EBF2: variants seen among roughly 807,000 people sequenced by gnomAD.
The protein encoded by EBF2 is EBF transcription factor 2.
A neutral mutation model predicts 72.8 loss-of-function variants in EBF2; 21 were observed. The ratio of observed to expected loss-of-function variants is 0.29; its 90% CI spans 0.20 to 0.42. EBF2 has a LOEUF of 0.42. Among genes scored for constraint, EBF2 ranks in the 10% least tolerant of loss-of-function variants. The probability of loss-of-function intolerance (pLI) is 1.00; values close to 1 mark genes in which losing one functional copy is unlikely to be tolerated. For synonymous variants in EBF2, 299 were observed against 274.2 expected, an observed-to-expected ratio of 1.09 and a Z score of -0.89; for missense variants, 637 against 731.2, an observed-to-expected ratio of 0.87 and a Z score of 1.49.
At chr8:25,927,954 A>G (rs188471684) in intron 6 of EBF2, among the ~76,000 whole-genome samples, 1 of 152,286 alleles carries the variant, frequency 6.6e-6, no homozygotes, top group Admixed American at 6.5e-5. Flanking sequence ...GGAAAAGCCC[A>G]GAATGTATTT....
chr8:25,987,406 G>C (rs764798536), intron 6 of EBF2, among the ~76,000 whole-genome samples: 2 of 152,144 alleles, frequency 1.3e-5, no homozygotes, highest in Non-Finnish European at 2.9e-5. Context: ...AGCAGTATGG[G>C]AGCTGACCCC....
intron 10 of EBF2, among the ~76,000 whole-genome samples, chr8:25,866,433 TTATATATATAATATATA>T (rs1161927488): frequency 2.7e-3 from 321 of 120,632 alleles, no homozygotes; most frequent in African/African-American, 0.011. Context: ...GATTTTTTAT[TTATATATATAATATATA>T]TATATATATA....
intron 7 of EBF2, among the ~76,000 whole-genome samples, chr8:25,892,036 C>T (rs951046616): frequency 6.6e-6 from 1 of 152,200 alleles, no homozygotes; most frequent in Non-Finnish European, 1.5e-5. Flanking sequence ...CTCATCTCAG[C>T]TACAGTAGAC....
chr8:25,870,496 A>G (rs1356584979), intron 10 of EBF2, among the ~76,000 whole-genome samples: 8 of 152,146 alleles, frequency 5.3e-5, no homozygotes, highest in African/African-American at 1.7e-4. Context: ...GGGTCCAGCC[A>G]GGTAGCACCA....
intron 6 of EBF2, among the ~76,000 whole-genome samples, chr8:25,992,333 CAAAAAAAAAAA>C (rs36020598): frequency 6.1e-4 from 32 of 52,554 alleles, no homozygotes; most frequent in Middle Eastern, 0.031. Context: ...GACTCTGTCT[CAAAAAAAAAAA>C]AAAAAAAAAA....
At position 26,045,065 on chromosome 8, in the gene EBF2, G is replaced by T. The variant is rs1411198654; in HGVS notation, c.-206C>A. The T allele has an allele frequency of 1.9e-6, 1 of 526,706 alleles. No individual in the cohort carries two copies. The highest frequency in any genetic ancestry group is 3.3e-6 in the Non-Finnish European group (1 of 303,596). 32.6% of individuals were successfully genotyped at this position (526,706 alleles called of 1,614,324 possible). A position where few individuals can be genotyped will look rare whatever the true frequency, so the allele number is the denominator to read the frequency against. On this transcript the variant is annotated 5_prime_UTR_variant, in exon 1 of 16. Coordinates refer to ENST00000520164, the MANE Select transcript of EBF2 (RefSeq NM_022659.4). ...TGCGGACTGATGTAGTCAAAGTTTG[G>T]GTTCTTATCCTCCGCAAGTTCAGAT...
At chr8:25,865,842 G>A (rs1393935063) in intron 10 of EBF2, among the ~76,000 whole-genome samples, 1 of 151,684 alleles carries the variant, frequency 6.6e-6, no homozygotes, top group Admixed American at 6.5e-5. Context: ...TGGCTAACAC[G>A]GTGAAACCCC....
At chr8:25,891,889 C>A (rs7813489) in intron 7 of EBF2, among the ~76,000 whole-genome samples, 38,055 of 152,020 alleles carry the variant, frequency 0.25, 5,650 homozygotes, top group Middle Eastern at 0.42. Flanking sequence ...TACCTTACCT[C>A]TGAATATGAA....
At chr8:25,980,747 G>A (rs1370362688) in intron 6 of EBF2, among the ~76,000 whole-genome samples, 1 of 129,074 alleles carries the variant, frequency 7.7e-6, no homozygotes, top group Non-Finnish European at 1.5e-5. Flanking sequence ...TTTCTAGACC[G>A]ATGACCTTTG....
chr8:26,005,060 G>T (rs2117224881), intron 6 of EBF2, among the ~76,000 whole-genome samples: 1 of 149,730 alleles, frequency 6.7e-6, no homozygotes, highest in Admixed American at 6.9e-5. Flanking sequence ...AGAACCACTT[G>T]CCCAGAAACA....
chr8:26,041,123 C>T, intron 2 of EBF2, 121 bp from the exon 3 acceptor site: 3 of 1,153,886 alleles, frequency 2.6e-6, no homozygotes, highest in Non-Finnish European at 3.8e-6. Flanking sequence ...TTTGAGTAAC[C>T]CCCTGTTCAG....
chr8:26,043,695 G>C (rs981275210), intron 1 of EBF2, among the ~76,000 whole-genome samples: 1 of 152,218 alleles, frequency 6.6e-6, no homozygotes, highest in Non-Finnish European at 1.5e-5. Context: ...GGCCAGTTTG[G>C]GAAAGGGATC....
intron 7 of EBF2, among the ~76,000 whole-genome samples, chr8:25,897,067 T>C (rs1272413430): frequency 6.6e-6 from 1 of 152,180 alleles, no homozygotes; most frequent in African/African-American, 2.4e-5. Flanking sequence ...GAAGGCTAAA[T>C]TTTCTGTTCA....
At chr8:25,859,706 T>C (rs1056196884) in intron 13 of EBF2, among the ~76,000 whole-genome samples, 3 of 151,806 alleles carry the variant, frequency 2.0e-5, no homozygotes, top group African/African-American at 7.3e-5. Context: ...AAAATAATAA[T>C]ATGTCCTGTC....
intron 5 of EBF2, among the ~76,000 whole-genome samples, chr8:26,038,128 CT>C: frequency 6.6e-6 from 1 of 152,338 alleles, no homozygotes; most frequent in South Asian, 2.1e-4. Flanking sequence ...GAGAACTTCC[CT>C]TTTGGATGCA....
At position 25,889,156 on chromosome 8, in the gene EBF2, G is replaced by T. The variant is rs558601121; in HGVS notation, c.751+596C>A. ...TTATAAGGTCTTTCTATACCAGTGAGTTGGGGAGTGCAGACAGAAGGGGAA... is the reference window on the plus strand; with the variant it reads ...TTATAAGGTCTTTCTATACCAGTGATTTGGGGAGTGCAGACAGAAGGGGAA... On this transcript the variant is annotated intron_variant, in intron 8 of 15. Coordinates refer to ENST00000520164, the MANE Select transcript of EBF2 (RefSeq NM_022659.4). Among the ~76,000 whole-genome samples the T allele has an allele frequency of 4.6e-5, 7 of 152,314 alleles. No homozygotes were observed. The South Asian group carries it at 8.3e-4, about 18-fold the overall frequency.
chr8:25,866,533 A>G (rs10100058), intron 10 of EBF2, among the ~76,000 whole-genome samples: 9 of 143,540 alleles, frequency 6.3e-5, no homozygotes, highest in Admixed American at 5.7e-4. Context: ...AAAAATATAT[A>G]ATATATATTA....
intron 6 of EBF2, among the ~76,000 whole-genome samples, chr8:25,973,530 A>G (rs914954002): frequency 1.2e-4 from 19 of 152,354 alleles, no homozygotes; most frequent in African/African-American, 3.8e-4. Context: ...GATGAAGCAA[A>G]CTTAACTTTT....
rs1563205949 is a variant in EBF2 at position 26,005,471 on chromosome 8, A to ATTATTTATAAAATAT, written c.551+27613_551+27614insATATTTTATAAATAA. Among the ~76,000 whole-genome samples the ATTATTTATAAAATAT allele has an allele frequency of 1.8e-3, 70 of 38,462 alleles. 1 individual carries two copies. Among genetic ancestry groups the ATTATTTATAAAATAT allele is most frequent in the African/African-American group, 9.8e-3 (62 of 6,332 alleles). The allele number at this position is 38,462 out of a possible 152,430, so 25.2% of individuals were successfully genotyped here. A position where few individuals can be genotyped will look rare whatever the true frequency, so the allele number is the denominator to read the frequency against. ...AAATATATTATATATTATAAAATAT[A>ATTATTTATAAAATAT]ATATTATTTATAAAATATATATTAT... On this transcript the variant is annotated intron_variant, in intron 6 of 15. Transcript: ENST00000520164.
Sources: allele counts gnomAD v4.1 joint callset (sites outside exome capture counted in the v4.1 genomes callset), GRCh38; gene constraint gnomAD v4.1.1; transcripts MANE v1.5; gene names NCBI Gene and HGNC (gene_info 2026-07-23, HGNC 2026-07-21).